The following ARHGAP39 variants were observed in gnomAD, a reference collection of about 807,000 sequenced individuals.
The protein encoded by ARHGAP39 is rho GTPase-activating protein 39.
A neutral mutation model predicts 106.9 loss-of-function variants in ARHGAP39; 44 were observed. The ratio of observed to expected loss-of-function variants is 0.41; its 90% confidence interval spans 0.32 to 0.53. The LOEUF (loss-of-function observed/expected upper bound fraction) is 0.53, where lower values mean the gene tolerates loss of function less well. Ranked by LOEUF, ARHGAP39 falls within the 20% of genes least tolerant of loss-of-function variation. ARHGAP39 has a pLI of 0.21. For synonymous variants in ARHGAP39, 768 were observed against 693.2 expected (o/e 1.11, Z -1.69); for missense variants, 1,496 against 1,577.3 (o/e 0.95, Z 0.87).
intron 3 of ARHGAP39, among the ~76,000 whole-genome samples, chr8:144,580,301 C>A (rs2130898600): frequency 6.6e-6 from 1 of 152,224 alleles, no homozygotes; most frequent in East Asian, 1.9e-4. Context: ...CCACACACCC[C>A]ACGCCCGCAC....
intron 1 of ARHGAP39, among the ~76,000 whole-genome samples, chr8:144,661,610 TCC>T (rs1821824386): frequency 6.6e-6 from 1 of 152,050 alleles, no homozygotes; most frequent in African/African-American, 2.4e-5. Context: ...GGTCTCGAAC[TCC>T]TGCCCTCAAC....
At chr8:144,638,099 T>A (rs1035341006) in intron 1 of ARHGAP39, among the ~76,000 whole-genome samples, 2 of 152,238 alleles carry the variant, frequency 1.3e-5, no homozygotes, top group Non-Finnish European at 2.9e-5. Context: ...TCTGAAAATG[T>A]CATTTCACCT....
rs952635676 is a variant in ARHGAP39 at position 144,645,281 on chromosome 8, G to C, written c.-81-39586C>G. ...GGGACACTACATGAACTGAAGGCAC[G>C]AGAAGTCCAGGTGTCAAGGAGAGGT... On this transcript the variant is annotated intron_variant, in intron 1 of 11. Transcript: ENST00000377307. This position sits in a 1 kb window ranked among gnomAD's most constrained non-coding sequence, Gnocchi z 4.4. 6.6e-6 allele frequency among the ~76,000 whole-genome samples: 1 copy of C among 152,234 alleles called. No homozygotes were observed. Among genetic ancestry groups the C allele is most frequent in the Non-Finnish European group, 1.5e-5 (1 of 68,046 alleles).
chr8:144,654,722 C>G (rs1352303998), intron 1 of ARHGAP39, among the ~76,000 whole-genome samples: 1 of 152,048 alleles, frequency 6.6e-6, no homozygotes. Flanking sequence ...CTGCTGCAGA[C>G]CCAGGGCCCT....
chr8:144,547,204 G>T lies in ARHGAP39; in HGVS notation c.1882C>A (p.Pro628Thr), dbSNP rs1272112098. The change falls in exon 5 of 12, where the codon CCC becomes ACC. Residue 628 changes from proline (P) to threonine (T), a missense_variant. Pro to Thr is a conservative substitution (Grantham distance 38). This residue lies in a region of ARHGAP39 where 905 missense variants were observed against 816.4 expected (regional missense o/e 1.11). Coordinates refer to ENST00000377307, the MANE Select transcript of ARHGAP39 (RefSeq NM_025251.3). The surrounding 1 kb of genome is among the most constrained non-coding windows in gnomAD (Gnocchi z 5.2). ...RRGTFEKLGF[P>T]QILLEKSVSV... ...ACGCTCTTCTCCAGCAGGATCTGGG[G>T]GAAGCCTAGCTTCTCGAAGGTGCCC... is the stretch of plus-strand genomic sequence containing the variant. 1.2e-6 allele frequency: 2 copies of T among 1,612,326 alleles called. No homozygotes were observed. The highest frequency in any genetic ancestry group is 1.7e-6 in the Non-Finnish European group (2 of 1,179,748).
chr8:144,621,865 G>A (rs952278804), intron 1 of ARHGAP39, among the ~76,000 whole-genome samples: 8 of 152,146 alleles, frequency 5.3e-5, no homozygotes, highest in Admixed American at 3.3e-4. Context: ...TCTCCTAAGG[G>A]ATAAAACTAC....
intron 3 of ARHGAP39, among the ~76,000 whole-genome samples, chr8:144,579,265 A>C (rs1818881220): frequency 6.6e-6 from 1 of 152,106 alleles, no homozygotes; most frequent in Non-Finnish European, 1.5e-5. Context: ...TCATTAAGGA[A>C]ATGCAAACCA....
At chr8:144,680,845 T>C (rs1042717264) in intron 1 of ARHGAP39, among the ~76,000 whole-genome samples, 1 of 152,186 alleles carries the variant, frequency 6.6e-6, no homozygotes, top group African/African-American at 2.4e-5. Flanking sequence ...ACGAGTTTCA[T>C]AACAAGATTA....
chr8:144,537,903 C>A, intron 6 of ARHGAP39, 90 bp from the exon 7 acceptor site: 1 of 1,184,168 alleles, frequency 8.4e-7, no homozygotes, highest in East Asian at 2.3e-5. Context: ...GTGAGCAGGC[C>A]CCTGGGCCTG....
At chr8:144,635,247 A>C (rs1403069179) in intron 1 of ARHGAP39, among the ~76,000 whole-genome samples, 1 of 152,074 alleles carries the variant, frequency 6.6e-6, no homozygotes, top group Non-Finnish European at 1.5e-5. Context: ...TTTCAGCTGC[A>C]CTCCCCATGG....
intron 3 of ARHGAP39, among the ~76,000 whole-genome samples, chr8:144,563,963 A>G (rs1199198676): frequency 1.3e-5 from 2 of 152,188 alleles, no homozygotes; most frequent in Non-Finnish European, 1.5e-5. Flanking sequence ...GATGTCAACT[A>G]ATGTCTGAAT....
At chr8:144,575,017 C>T (rs1287541678) in intron 3 of ARHGAP39, among the ~76,000 whole-genome samples, 1 of 152,216 alleles carries the variant, frequency 6.6e-6, no homozygotes, top group African/African-American at 2.4e-5. Flanking sequence ...CTACACACCT[C>T]AGCATTACTG....
chr8:144,535,154 AAC>A, intron 7 of ARHGAP39, among the ~76,000 whole-genome samples: 1 of 152,232 alleles, frequency 6.6e-6, no homozygotes, highest in South Asian at 2.1e-4. Context: ...CCCCAATCGG[AAC>A]ACCTTTGTCT....
intron 1 of ARHGAP39, among the ~76,000 whole-genome samples, chr8:144,612,133 G>T (rs1337055827): frequency 5.9e-5 from 9 of 152,090 alleles, no homozygotes; most frequent in Non-Finnish European, 1.0e-4. Flanking sequence ...GTGAGCCACG[G>T]CTGCGCCGCT....
chr8:144,661,903 GC>G (rs1227241829), intron 1 of ARHGAP39, among the ~76,000 whole-genome samples: 1 of 61,918 alleles, frequency 1.6e-5, no homozygotes, highest in African/African-American at 6.5e-5. Context: ...CCCCCACCCC[GC>G]CCCCCTTTCC....
chr8:144,603,391 A>G (rs1279209864), intron 2 of ARHGAP39, among the ~76,000 whole-genome samples: 4 of 152,090 alleles, frequency 2.6e-5, no homozygotes, highest in Non-Finnish European at 4.4e-5. Flanking sequence ...ACTCCTGCAT[A>G]ATTTTCTAGT....
intron 2 of ARHGAP39, among the ~76,000 whole-genome samples, chr8:144,595,942 T>C (rs529693779): frequency 2.0e-5 from 3 of 152,144 alleles, no homozygotes; most frequent in Non-Finnish European, 4.4e-5. Flanking sequence ...CTCCTCTTTC[T>C]ATCCTTATAG....
At chr8:144,639,517 A>C (rs1169274668) in intron 1 of ARHGAP39, among the ~76,000 whole-genome samples, 2 of 152,112 alleles carry the variant, frequency 1.3e-5, no homozygotes, top group African/African-American at 2.4e-5. Context: ...TTCTTGGTAG[A>C]GCATCTTTTT....
intron 3 of ARHGAP39, among the ~76,000 whole-genome samples, chr8:144,578,570 A>G (rs2130895608): frequency 6.6e-6 from 1 of 152,264 alleles, no homozygotes; most frequent in East Asian, 1.9e-4. Context: ...ACTTTGGCTC[A>G]TGTACTTTGG....
Sources: gnomAD v4.1 joint callset for allele counts (sites outside exome capture counted in the v4.1 genomes callset) on GRCh38, gnomAD v4.1.1 for gene constraint, gnomAD v4.1.1 regional missense constraint, Gnocchi (gnomAD v3.1) non-coding constraint, MANE v1.5 for transcripts, NCBI Gene and HGNC (gene_info 2026-07-23, HGNC 2026-07-21) for gene names.